ARHGAP8: variants seen among roughly 807,000 people sequenced by gnomAD.
ARHGAP8 encodes Rho GTPase activating protein 8.
ARHGAP8 carries 62 observed loss-of-function variants against 46.1 expected under a neutral mutation model. That is an observed-to-expected ratio of 1.34 (90% CI 1.10 to 1.66). The LOEUF (loss-of-function observed/expected upper bound fraction) is 1.66, where lower values mean the gene tolerates loss of function less well. Ranked by LOEUF, ARHGAP8 falls within the 40% of genes most tolerant of loss-of-function variation. ARHGAP8 has a pLI of 0.00. For missense variants in ARHGAP8, 923 were observed against 568.4 expected (o/e 1.62, Z -6.34); for synonymous variants, 375 against 243.1 (o/e 1.54, Z -5.05).
At chr22:44,798,529 GTTTT>G (rs55701477) in intron 2 of ARHGAP8, among the ~76,000 whole-genome samples, 2 of 130,022 alleles carry the variant, frequency 1.5e-5, no homozygotes. Context: ...GGGGACTTGC[GTTTT>G]TTTTTTTTTT....
At chr22:44,775,150 T>C (rs1422758355) in intron 1 of ARHGAP8, among the ~76,000 whole-genome samples, 3 of 152,240 alleles carry the variant, frequency 2.0e-5, no homozygotes, top group East Asian at 3.9e-4. Flanking sequence ...TATTTTTTAA[T>C]AGAAATTCCA....
At chr22:44,786,912 G>C (rs1346944031) in intron 2 of ARHGAP8, among the ~76,000 whole-genome samples, 1 of 151,970 alleles carries the variant, frequency 6.6e-6, no homozygotes, top group South Asian at 2.1e-4. Context: ...AGCTACTTGC[G>C]GGGCTGAGGT....
At chr22:44,764,536 T>G (rs1925402341) in intron 1 of ARHGAP8, among the ~76,000 whole-genome samples, 1 of 152,158 alleles carries the variant, frequency 6.6e-6, no homozygotes, top group Non-Finnish European at 1.5e-5. Context: ...ATGTTCTGAG[T>G]CATGCAGGTT....
intron 4 of ARHGAP8, among the ~76,000 whole-genome samples, chr22:44,810,142 G>A (rs1275758285): frequency 1.3e-5 from 2 of 152,132 alleles, no homozygotes; most frequent in Non-Finnish European, 2.9e-5. Context: ...TAGCACTTAG[G>A]GGTTTGTGAA....
intron 3 of ARHGAP8, among the ~76,000 whole-genome samples, chr22:44,808,081 A>G (rs1929058949): frequency 6.6e-6 from 1 of 152,186 alleles, no homozygotes; most frequent in South Asian, 2.1e-4. Context: ...AATCTGGCCT[A>G]CCACATCCAC....
At chr22:44,826,638 C>T (rs981042512) in intron 7 of ARHGAP8, among the ~76,000 whole-genome samples, 1 of 152,154 alleles carries the variant, frequency 6.6e-6, no homozygotes, top group African/African-American at 2.4e-5. Flanking sequence ...TGTTGCCTGG[C>T]TGGTCTCGAA....
chr22:44,822,820 G>T (rs758331356), intron 6 of ARHGAP8, among the ~76,000 whole-genome samples: 1 of 152,192 alleles, frequency 6.6e-6, no homozygotes, highest in Non-Finnish European at 1.5e-5. Flanking sequence ...TGTGGATAAC[G>T]CTGTGTACAG....
intron 10 of ARHGAP8, among the ~76,000 whole-genome samples, chr22:44,857,032 C>T (rs2070245482): frequency 7.0e-6 from 1 of 142,522 alleles, no homozygotes; most frequent in Non-Finnish European, 1.5e-5. Context: ...CCTCTGCCTC[C>T]CGGGTTCAAA....
intron 2 of ARHGAP8, among the ~76,000 whole-genome samples, chr22:44,796,148 C>A (rs1440938028): frequency 6.6e-6 from 1 of 152,218 alleles, no homozygotes; most frequent in Non-Finnish European, 1.5e-5. Context: ...TGAACACCCC[C>A]TGAGGTTCCT....
intron 11 of ARHGAP8, among the ~76,000 whole-genome samples, chr22:44,861,133 G>C (rs182852635): frequency 6.6e-6 from 1 of 152,058 alleles, no homozygotes; most frequent in Non-Finnish European, 1.5e-5. Context: ...CACCATGCCC[G>C]GCTAATTTTT....
At chr22:44,859,993 C>T (rs1418887701) in intron 11 of ARHGAP8, among the ~76,000 whole-genome samples, 159 bp downstream of exon 11, 1 of 147,742 alleles carries the variant, frequency 6.8e-6, no homozygotes, top group African/African-American at 2.5e-5. Flanking sequence ...CATCCAAGGC[C>T]TGGTCAGGCA....
chr22:44,767,457 C>T (rs1602146923), intron 1 of ARHGAP8, among the ~76,000 whole-genome samples: 1 of 152,226 alleles, frequency 6.6e-6, no homozygotes, highest in Middle Eastern at 3.4e-3. Flanking sequence ...TAGCCTGATA[C>T]CATTATCACA....
intron 10 of ARHGAP8, chr22:44,849,733 G>A (rs137888458): frequency 1.3e-5 from 2 of 152,198 alleles, no homozygotes; most frequent in Admixed American, 1.3e-4. Flanking sequence ...ACAGTCGAAG[G>A]GGGGAGCTGA....
intron 2 of ARHGAP8, among the ~76,000 whole-genome samples, chr22:44,800,192 C>T (rs1928396106): frequency 6.6e-6 from 1 of 151,360 alleles, no homozygotes; most frequent in South Asian, 2.1e-4. Context: ...CAACCTCTGC[C>T]TTCCGGGTTC....
Position 44,862,364 on chromosome 22 carries a change from C to CT in ARHGAP8, c.1072dup (p.Ser358PhefsTer14). On this transcript the variant is annotated frameshift_variant, in exon 12 of 12. Transcript: ENST00000356099. LOFTEE classifies it low-confidence loss of function (END_TRUNC). ...ATTTGATCTGGCCATCCCAGGGGGT[C>CT]TCCTCCCTGAGTGCCCTTGTGCCCC... 2 of 1,614,126 alleles carry CT rather than the reference C, an allele frequency of 1.2e-6. No homozygotes were observed. Among genetic ancestry groups the CT allele is most frequent in the South Asian group, 1.1e-5 (1 of 91,078 alleles).
At chr22:44,839,573 C>T (rs1434243654) in intron 7 of ARHGAP8, among the ~76,000 whole-genome samples, 12 of 152,206 alleles carry the variant, frequency 7.9e-5, no homozygotes, top group East Asian at 1.9e-4. Context: ...AAACCCAGGC[C>T]GGGCTTGCCT....
chr22:44,827,348 T>TTTTG (rs1374116115), intron 7 of ARHGAP8, among the ~76,000 whole-genome samples: 1 of 124,932 alleles, frequency 8.0e-6, no homozygotes, highest in Non-Finnish European at 1.7e-5. Flanking sequence ...TTTTTTTTTT[T>TTTTG]TTTTTTTTTT....
chr22:44,860,879 C>T (rs746958171), intron 11 of ARHGAP8, among the ~76,000 whole-genome samples: 2 of 152,202 alleles, frequency 1.3e-5, no homozygotes, highest in Non-Finnish European at 2.9e-5. Flanking sequence ...TGAGGAGAGC[C>T]TGAGCAGAGT....
chr22:44,823,612 C>T lies in ARHGAP8; in HGVS notation c.485+1143C>T, dbSNP rs560509531. Reference sequence around the variant, plus strand: ...ATCCCTGGTCGCCCGTGGGCCCTGGCAAGACCCCACTCCCAGACCTCACTA... The same window carrying T: ...ATCCCTGGTCGCCCGTGGGCCCTGGTAAGACCCCACTCCCAGACCTCACTA... On this transcript the variant is annotated intron_variant, in intron 6 of 11. Transcript: ENST00000356099. Among the ~76,000 whole-genome samples the T allele has an allele frequency of 3.3e-5, 5 of 152,234 alleles. 1 individual carries two copies. The South Asian group carries it at 1.0e-3, about 32-fold the overall frequency.
Sources: gnomAD v4.1 joint callset for allele counts (sites outside exome capture counted in the v4.1 genomes callset) on GRCh38, gnomAD v4.1.1 for gene constraint, MANE v1.5 for transcripts, NCBI Gene and HGNC (gene_info 2026-07-23, HGNC 2026-07-21) for gene names.